Variants in PCDH7 observed in about 807,000 individuals in gnomAD.
PCDH7 encodes the protein protocadherin-7.
PCDH7 carries 17 observed loss-of-function variants against 58.9 expected under a neutral mutation model. The observed-to-expected ratio is 0.29, with a 90% confidence interval of 0.20 to 0.43. The LOEUF (loss-of-function observed/expected upper bound fraction) is 0.43, where lower values mean the gene tolerates loss of function less well. PCDH7 is among the 20% of genes least tolerant of loss of function. The pLI, the probability that PCDH7 is intolerant of heterozygous loss-of-function variation, is 1.00. For synonymous variants in PCDH7, 664 were observed against 616.4 expected (o/e 1.08, Z -1.14); for missense variants, 1,274 against 1,441.0 (o/e 0.88, Z 1.88).
chr4:31,044,459 T>A (rs1255946003), intron 3 of PCDH7, among the ~76,000 whole-genome samples: 1 of 152,118 alleles, frequency 6.6e-6, no homozygotes, highest in East Asian at 1.9e-4. Context: ...AGTGTAATTA[T>A]CAGCAAGAAG....
At chr4:31,129,926 C>T (rs946632253) in intron 3 of PCDH7, among the ~76,000 whole-genome samples, 2 of 130,216 alleles carry the variant, frequency 1.5e-5, no homozygotes, top group African/African-American at 6.8e-5. Flanking sequence ...CCATAACAGG[C>T]CACAATTTTT....
At chr4:30,780,327 G>T (rs367668829) in intron 1 of PCDH7, among the ~76,000 whole-genome samples, 2 of 151,964 alleles carry the variant, frequency 1.3e-5, no homozygotes, top group African/African-American at 4.8e-5. Flanking sequence ...TCAACATGGA[G>T]AAACCCCCAT....
intron 1 of PCDH7, among the ~76,000 whole-genome samples, chr4:30,824,854 G>A (rs1728905679): frequency 6.6e-6 from 1 of 152,240 alleles, no homozygotes; most frequent in South Asian, 2.1e-4. Flanking sequence ...TTTGAGATCT[G>A]TGTTGTAGGA....
chr4:31,028,095 T>A lies in PCDH7; in HGVS notation c.*7+77880T>A, dbSNP rs943161821. Among the ~76,000 whole-genome samples the A allele has an allele frequency of 5.9e-5, 9 of 152,202 alleles. 1 individual carries two copies. Among genetic ancestry groups the A allele is most frequent in the Admixed American group, 3.9e-4 (6 of 15,280 alleles). ...TACAAGAGAAATACTCTAGAAAGTA[T>A]TCTTAGGTAAGCCAAATTATTTATT... On this transcript the variant is annotated intron_variant, in intron 3 of 3. Transcript: ENST00000509759.
chr4:30,790,850 G>A (rs1303730366), intron 1 of PCDH7, among the ~76,000 whole-genome samples: 6 of 152,178 alleles, frequency 3.9e-5, no homozygotes, highest in Admixed American at 3.9e-4. Context: ...TTGAGCCTGG[G>A]AGGTCAAGGC....
intron 1 of PCDH7, among the ~76,000 whole-genome samples, chr4:30,893,343 A>G (rs1391912277): frequency 6.6e-6 from 1 of 152,084 alleles, no homozygotes; most frequent in African/African-American, 2.4e-5. Flanking sequence ...TTACTTTCCA[A>G]CAAATTCACA....
At chr4:30,757,150 G>C (rs1719407087) in intron 1 of PCDH7, among the ~76,000 whole-genome samples, 1 of 152,140 alleles carries the variant, frequency 6.6e-6, no homozygotes, top group East Asian at 1.9e-4. Flanking sequence ...ATGACAGTTG[G>C]TTTCTGTATT....
chr4:30,939,115 C>T (rs1745726801), intron 2 of PCDH7, among the ~76,000 whole-genome samples: 2 of 152,110 alleles, frequency 1.3e-5, no homozygotes, highest in South Asian at 4.1e-4. Context: ...GCCTGAAAAT[C>T]CCTGGGAGCA....
intron 3 of PCDH7, among the ~76,000 whole-genome samples, chr4:31,018,655 G>A (rs1357399019): frequency 6.6e-6 from 1 of 152,120 alleles, no homozygotes; most frequent in Non-Finnish European, 1.5e-5. Context: ...GCCAAAATCT[G>A]CAACTACCTG....
chr4:30,793,814 A>C (rs2109300803), intron 1 of PCDH7: 1 of 152,310 alleles, frequency 6.6e-6, no homozygotes, highest in South Asian at 2.1e-4. Context: ...ATAAAGAAGT[A>C]CCTTTCACTA....
chr4:31,082,909 C>T (rs926587178), intron 3 of PCDH7, among the ~76,000 whole-genome samples: 4 of 152,114 alleles, frequency 2.6e-5, no homozygotes, highest in East Asian at 3.9e-4. Flanking sequence ...GAGATCGAGA[C>T]CATCCTGGCT....
At chr4:30,804,357 G>A (rs1725912894) in intron 1 of PCDH7, among the ~76,000 whole-genome samples, 1 of 151,966 alleles carries the variant, frequency 6.6e-6, no homozygotes, top group South Asian at 2.1e-4. Flanking sequence ...TGGTCAATAT[G>A]GTGAAACCCA....
intron 1 of PCDH7, among the ~76,000 whole-genome samples, chr4:30,827,868 T>A (rs181257826): frequency 1.3e-5 from 2 of 152,222 alleles, no homozygotes; most frequent in Admixed American, 1.3e-4. Flanking sequence ...ATCCATGCAA[T>A]CCTTATAAGA....
At chr4:30,885,268 T>C (rs9884332) in intron 1 of PCDH7, 84,000 of 152,068 alleles carry the variant, frequency 0.55, 25,036 homozygotes, top group African/African-American at 0.8. Flanking sequence ...ACACAGACTC[T>C]GCAGCCACGT....
At chr4:30,967,492 A>C (rs1749100528) in intron 3 of PCDH7, among the ~76,000 whole-genome samples, 1 of 152,240 alleles carries the variant, frequency 6.6e-6, no homozygotes, top group Non-Finnish European at 1.5e-5. Context: ...CTTTTGCATG[A>C]AAACTACATA....
exon 1 of PCDH7, chr4:30,724,368 C>T (rs372075213): frequency 1.9e-5 from 30 of 1,613,900 alleles, no homozygotes; most frequent in Non-Finnish European, 2.3e-5. Context: ...GATACAGGTC[C>T]GTTAATGGTG....
In PCDH7 at chr4:30,799,594, A is replaced by T. The variant is rs1288014352; in HGVS notation, c.70+74998A>T. The stretch of plus-strand genomic sequence containing the variant: ...CTTTCTTACAAGTAATTGTATATTT[A>T]TCTGAATTTTTTGTTAGTTTTCATA... On this transcript the variant is annotated intron_variant, in intron 1 of 3. Coordinates refer to the PCDH7 transcript ENST00000509759. 2.0e-5 allele frequency among the ~76,000 whole-genome samples: 3 copies of T among 152,176 alleles called. 1 individual carries two copies. The highest frequency in any genetic ancestry group is 4.4e-5 in the Non-Finnish European group (3 of 68,028).
chr4:31,054,276 C>T (rs1221719885), intron 3 of PCDH7, among the ~76,000 whole-genome samples: 1 of 152,138 alleles, frequency 6.6e-6, no homozygotes, highest in Non-Finnish European at 1.5e-5. Context: ...CTTGGAACAA[C>T]TTTTGATCCC....
At chr4:31,073,802 A>G (rs1002555221) in intron 3 of PCDH7, among the ~76,000 whole-genome samples, 1 of 152,144 alleles carries the variant, frequency 6.6e-6, no homozygotes, top group African/African-American at 2.4e-5. Flanking sequence ...CCTTTTCAAG[A>G]TATGCAGTAA....
Sources: allele counts gnomAD v4.1 joint callset (sites outside exome capture counted in the v4.1 genomes callset), GRCh38; gene constraint gnomAD v4.1.1; transcripts MANE v1.5; gene names NCBI Gene and HGNC (gene_info 2026-07-23, HGNC 2026-07-21).